SERPINA12: variants seen among roughly 807,000 people sequenced by gnomAD.
SERPINA12 encodes serpin family A member 12, also known as serpin A12.
Under a neutral mutation model 25.9 loss-of-function variants are expected in SERPINA12, and 21 were observed. The ratio of observed to expected loss-of-function variants is 0.81; its 90% CI spans 0.58 to 1.17. The LOEUF is 1.17. Among genes scored for constraint, SERPINA12 ranks in the 50% most tolerant of loss-of-function variants. SERPINA12 has a pLI of 0.00. For missense variants in SERPINA12, 562 were observed against 508.3 expected (o/e 1.11, Z -1.02); for synonymous variants, 220 against 196.0 (o/e 1.12, Z -1.02).
At chr14:94,507,490 T>C (rs1900972704) in intron 1 of SERPINA12, among the ~76,000 whole-genome samples, 1 of 152,208 alleles carries the variant, frequency 6.6e-6, no homozygotes, top group African/African-American at 2.4e-5. Context: ...TTTAAGCACT[T>C]CTACAAATCG....
intron 3 of SERPINA12, among the ~76,000 whole-genome samples, chr14:94,495,347 C>T (rs1446617321): frequency 6.6e-6 from 1 of 152,042 alleles, no homozygotes; most frequent in East Asian, 1.9e-4. Flanking sequence ...GGATTACAGG[C>T]GTGAGCCACC....
chr14:94,495,435 G>T (rs1432167029), intron 3 of SERPINA12, among the ~76,000 whole-genome samples: 3 of 152,310 alleles, frequency 2.0e-5, no homozygotes, highest in Admixed American at 6.5e-5. Context: ...ATGCCTCCAA[G>T]ACAGTGTTCT....
At chr14:94,500,473 T>C (rs182886029) in intron 1 of SERPINA12, among the ~76,000 whole-genome samples, 2 of 152,322 alleles carry the variant, frequency 1.3e-5, no homozygotes. Context: ...ACTCTCCTGC[T>C]ACTGGTTGGT....
chr14:94,489,195 GAA>G (rs1595682780), intron 4 of SERPINA12, among the ~76,000 whole-genome samples: 1 of 145,806 alleles, frequency 6.9e-6, no homozygotes, highest in East Asian at 2.0e-4. Flanking sequence ...GACAGAGAAA[GAA>G]AAAGAAAGAA....
upstream of SERPINA12, among the ~76,000 whole-genome samples, chr14:94,513,418 C>T (rs1203816706): frequency 2.0e-5 from 3 of 152,164 alleles, no homozygotes; most frequent in East Asian, 1.9e-4. Context: ...GACCTGAGAG[C>T]GGGAAAAGAC....
rs780171767 is a variant in SERPINA12 at position 94,498,193 on chromosome 14, C to A, written c.205G>T (p.Gly69Cys). Residue 69 changes from glycine (G) to cysteine (C), a missense_variant, in exon 2 of 5, where the codon GGC becomes TGC. Transcript: ENST00000677451. Reference sequence around the variant, plus strand: ...AAGGGGGATAGGAAGATGTTCCTGCCAGGGTTGTAAAAGGCCAGCTTCTTG... The same window carrying A: ...AAGGGGGATAGGAAGATGTTCCTGCAAGGGTTGTAAAAGGCCAGCTTCTTG... ...LLKKLAFYNP[G>C]RNIFLSPLSI... 8 of 1,614,028 alleles carry A rather than the reference C, an allele frequency of 5.0e-6. No individual in the cohort carries two copies. The highest frequency in any genetic ancestry group is 1.6e-4 in the Middle Eastern group (1 of 6,084).
intron 1 of SERPINA12, among the ~76,000 whole-genome samples, chr14:94,505,024 C>G (rs1001465163): frequency 1.3e-5 from 2 of 152,172 alleles, no homozygotes; most frequent in East Asian, 3.8e-4. Context: ...GCTCAACATG[C>G]CTATCTTCAA....
At chr14:94,490,965 C>CCCTT (rs1313215685) in intron 3 of SERPINA12, among the ~76,000 whole-genome samples, 1 of 152,214 alleles carries the variant, frequency 6.6e-6, no homozygotes, top group African/African-American at 2.4e-5. Context: ...GACCTTGGTC[C>CCCTT]CCTTCTCTTT....
chr14:94,489,692 A>G lies in SERPINA12; in HGVS notation c.981T>C (p.Gly327=), dbSNP rs752012058. Residue 327 remains glycine (G), a synonymous_variant, in exon 4 of 5, where the codon GGT becomes GGC. Coordinates refer to ENST00000677451, the MANE Select transcript of SERPINA12 (RefSeq NM_001382267.1). Reference sequence around the variant, plus strand: ...CATGTTCCTCAAAGATTTTGGAGACACCTATGTAGGAGAGAGTCTTCTTCA... The same window carrying G: ...CATGTTCCTCAAAGATTTTGGAGACGCCTATGTAGGAGAGAGTCTTCTTCA... The part of the protein sequence containing the change: ...FDLKKTLSYI[G]VSKIFEEHGD... 1.9e-6 allele frequency: 3 copies of G among 1,614,026 alleles called. No individual in the cohort carries two copies. The highest frequency in any genetic ancestry group is 2.5e-6 in the Non-Finnish European group (3 of 1,180,024).
chr14:94,505,574 T>C (rs559136934), intron 1 of SERPINA12, among the ~76,000 whole-genome samples: 1 of 152,284 alleles, frequency 6.6e-6, no homozygotes, highest in East Asian at 1.9e-4. Context: ...ATTGTGACTG[T>C]AGAGGCTATA....
chr14:94,511,741 T>G, upstream of SERPINA12: 1 of 984,904 alleles, frequency 1.0e-6, no homozygotes, highest in South Asian at 4.7e-5. Flanking sequence ...ATGTCTATAA[T>G]GTACCAGGCA....
At chr14:94,503,131 G>A (rs1210406790) in intron 1 of SERPINA12, 4 of 916,208 alleles carry the variant, frequency 4.4e-6, no homozygotes, top group Non-Finnish European at 5.2e-6. Context: ...ATTGCTTTAA[G>A]AAGAAATCAC....
At chr14:94,506,858 C>A (rs1216696287) in intron 1 of SERPINA12, among the ~76,000 whole-genome samples, 3 of 152,184 alleles carry the variant, frequency 2.0e-5, no homozygotes, top group African/African-American at 7.2e-5. Flanking sequence ...GCAAGTGATT[C>A]CCACCTGATG....
chr14:94,487,628 C>G (rs1449727887), intron 4 of SERPINA12, 134 bp from the exon 5 acceptor site: 2 of 615,360 alleles, frequency 3.3e-6, no homozygotes, highest in Non-Finnish European at 5.4e-6. Flanking sequence ...TGGTTTACTC[C>G]AGGGTTCCTG....
chr14:94,507,657 C>T (rs1303940504), intron 1 of SERPINA12, among the ~76,000 whole-genome samples: 1 of 152,206 alleles, frequency 6.6e-6, no homozygotes, highest in Non-Finnish European at 1.5e-5. Context: ...ACTCACTACA[C>T]ACCCACTAGA....
intron 1 of SERPINA12, chr14:94,504,293 G>A (rs756708387): frequency 1.3e-5 from 2 of 152,208 alleles, no homozygotes; most frequent in Non-Finnish European, 2.9e-5. Flanking sequence ...ACCTCCCTGG[G>A]AGCTCTCCCT....
intron 1 of SERPINA12, among the ~76,000 whole-genome samples, chr14:94,516,637 C>T (rs1235189943): frequency 6.6e-6 from 1 of 152,214 alleles, no homozygotes; most frequent in Non-Finnish European, 1.5e-5. Flanking sequence ...CCTGGAACCA[C>T]AGAGGGTGAG....
chr14:94,498,492 AC>A, intron 1 of SERPINA12, 62 bp from the exon 2 acceptor site: 1 of 1,342,982 alleles, frequency 7.4e-7, no homozygotes, highest in Non-Finnish European at 1.0e-6. Flanking sequence ...CCAGAGGAAG[AC>A]CAGATGAAAG....
chr14:94,492,241 G>T (rs930642629), intron 3 of SERPINA12, among the ~76,000 whole-genome samples: 5 of 152,162 alleles, frequency 3.3e-5, no homozygotes, highest in African/African-American at 1.2e-4. Context: ...GACTGGAGTG[G>T]ATTTAGGAGA....
Sources: gnomAD v4.1 joint callset for allele counts (sites outside exome capture counted in the v4.1 genomes callset) on GRCh38, gnomAD v4.1.1 for gene constraint, MANE v1.5 for transcripts, NCBI Gene and HGNC (gene_info 2026-07-23, HGNC 2026-07-21) for gene names.